DDX1: variants seen among roughly 807,000 people sequenced by gnomAD.
DDX1 encodes the protein ATP-dependent RNA helicase DDX1.
A neutral mutation model predicts 108.7 loss-of-function variants in DDX1; 28 were observed. The observed-to-expected ratio is 0.26, with a 90% CI of 0.19 to 0.35. The LOEUF is 0.35. Ranked by LOEUF, DDX1 falls within the 10% of genes least tolerant of loss-of-function variation. DDX1 has a pLI of 1.00. For missense variants in DDX1, 710 were observed against 884.5 expected (o/e 0.80, Z 2.50); for synonymous variants, 295 against 288.9 (o/e 1.02, Z -0.21).
intron 17 of DDX1, 85 bp downstream of exon 17, chr2:15,620,481 G>A (rs1665984613): frequency 9.9e-7 from 1 of 1,012,188 alleles, no homozygotes; most frequent in African/African-American, 1.6e-5. Flanking sequence ...GATGCTTAAG[G>A]CAATCAGTTA....
At chr2:15,619,329 G>A (rs1414530229) in intron 16 of DDX1, among the ~76,000 whole-genome samples, 2 of 152,198 alleles carry the variant, frequency 1.3e-5, no homozygotes, top group African/African-American at 4.8e-5. Context: ...GCGGCAACAC[G>A]GGGCCAGGGT....
intron 13 of DDX1, among the ~76,000 whole-genome samples, chr2:15,612,979 T>C (rs1665803255): frequency 6.7e-6 from 1 of 148,276 alleles, no homozygotes; most frequent in South Asian, 2.3e-4. Flanking sequence ...TTCGGCTCGG[T>C]ATCAGAGGGA....
At chr2:15,602,680 A>C (rs1665605317) in intron 7 of DDX1, 49 bp downstream of exon 7, 2 of 1,336,276 alleles carry the variant, frequency 1.5e-6, no homozygotes, top group South Asian at 1.2e-5. Context: ...GCAAGGTATT[A>C]ATACGTGAGG....
intron 19 of DDX1, among the ~76,000 whole-genome samples, chr2:15,626,844 A>G (rs1666106436): frequency 6.6e-6 from 1 of 152,248 alleles, no homozygotes; most frequent in Middle Eastern, 3.4e-3. Flanking sequence ...AATGCCCTTA[A>G]AAGCAGGACA....
chr2:15,603,346 CAAAATAATAA>C, intron 8 of DDX1, 71 bp downstream of exon 8: 1 of 1,050,540 alleles, frequency 9.5e-7, no homozygotes, highest in Non-Finnish European at 1.4e-6. Flanking sequence ...TTTGGGGAAG[CAAAATAATAA>C]ATTTAACCAT....
intron 4 of DDX1, 112 bp downstream of exon 4, chr2:15,596,875 G>A: frequency 1.3e-6 from 1 of 795,762 alleles, no homozygotes; most frequent in East Asian, 2.7e-5. Flanking sequence ...CAAAAGGTAA[G>A]GAATTAATTA....
chr2:15,623,695 A>G (rs2148748736), intron 19 of DDX1, 113 bp downstream of exon 19: 8 of 840,240 alleles, frequency 9.5e-6, no homozygotes, highest in Non-Finnish European at 1.5e-5. Context: ...AGTTGATGGC[A>G]TATTTTAAGT....
intron 13 of DDX1, among the ~76,000 whole-genome samples, chr2:15,610,283 T>G (rs754136747): frequency 3.3e-5 from 5 of 152,202 alleles, no homozygotes; most frequent in Non-Finnish European, 5.9e-5. Context: ...GAAATCCAAT[T>G]TATCTGTTTT....
intron 6 of DDX1, among the ~76,000 whole-genome samples, chr2:15,600,420 C>G (rs1665571407): frequency 6.6e-6 from 1 of 152,226 alleles, no homozygotes; most frequent in Admixed American, 6.5e-5. Flanking sequence ...GTAAAGACTC[C>G]TCAGGAAGCT....
intron 20 of DDX1, 30 bp downstream of exon 20, chr2:15,627,175 A>G (rs1445126070): frequency 1.5e-6 from 2 of 1,298,604 alleles, no homozygotes; most frequent in South Asian, 1.2e-5. Flanking sequence ...TGTTTCCTTA[A>G]TACTTAAGAG....
Position 15,606,151 on chromosome 2 carries a change from A to C in DDX1, c.704A>C (p.Asn235Thr), listed in dbSNP as rs781189569. Residue 235 changes from asparagine (N) to threonine (T), a missense_variant and splice_region_variant, in exon 12 of 26, where the codon AAT becomes ACT. Physicochemically the swap from Asn to Thr is moderately conservative, Grantham distance 65. Coordinates refer to ENST00000233084, the MANE Select transcript of DDX1 (RefSeq NM_004939.3). ...ATTTTCTGTTTTATTCAATGCTAGA[A>C]TGCTGAACTGAAATTTAACTTCGGT... ...QALFPACVLK[N>T]AELKFNFGEE... 1 of 1,611,340 alleles carries C rather than the reference A, an allele frequency of 6.2e-7. No homozygotes were observed. The highest frequency in any genetic ancestry group is 8.5e-7 in the Non-Finnish European group (1 of 1,177,646).
chr2:15,592,328 C>T (rs1309912624), intron 1 of DDX1, among the ~76,000 whole-genome samples: 2 of 152,196 alleles, frequency 1.3e-5, no homozygotes, highest in African/African-American at 4.8e-5. Flanking sequence ...CTTTTCTGCC[C>T]GCGGCTCATC....
intron 13 of DDX1, among the ~76,000 whole-genome samples, chr2:15,607,961 C>T (rs10183192): frequency 6.8e-4 from 104 of 152,066 alleles, no homozygotes; most frequent in African/African-American, 2.5e-3. Flanking sequence ...GTAAACTTGG[C>T]GAGGTTTATT....
At position 15,630,051 on chromosome 2, in the gene DDX1, A is replaced by G. The variant is rs755208682; in HGVS notation, c.2033A>G (p.Lys678Arg). 11 of 1,613,140 alleles carry G rather than the reference A, an allele frequency of 6.8e-6. No homozygotes were observed. Among genetic ancestry groups the G allele is most frequent in the Admixed American group, 1.7e-5 (1 of 59,966 alleles). Residue 678 changes from lysine to arginine, a missense_variant, in exon 25 of 26, where the codon AAG becomes AGG. Transcript: ENST00000233084. The part of the protein sequence containing the change: ...CTISQVEPDI[K>R]VPVDEFDGKV... ...ATTTCTCAGGTTGAGCCGGATATAA[A>G]GGTACCAGTGGATGAATTTGATGGG...
At chr2:15,615,483 G>A (rs1665878426) in intron 14 of DDX1, among the ~76,000 whole-genome samples, 1 of 152,208 alleles carries the variant, frequency 6.6e-6, no homozygotes. Context: ...TTGGCACATA[G>A]TAGATTCTTA....
chr2:15,604,257 T>C (rs1665630548), intron 9 of DDX1, among the ~76,000 whole-genome samples, 180 bp from the exon 10 acceptor site: 1 of 152,214 alleles, frequency 6.6e-6, no homozygotes, highest in Non-Finnish European at 1.5e-5. Flanking sequence ...TGAATGAGCC[T>C]AAATATGTTG....
intron 13 of DDX1, among the ~76,000 whole-genome samples, chr2:15,611,990 A>G (rs7598483): frequency 0.017 from 993 of 57,522 alleles, 62 homozygotes; most frequent in African/African-American, 0.059. Flanking sequence ...CCTCCCGGAC[A>G]GGGCGGCTGG....
intron 24 of DDX1, 141 bp from the exon 25 acceptor site, chr2:15,629,849 T>G: frequency 9.5e-7 from 1 of 1,048,240 alleles, no homozygotes; most frequent in East Asian, 2.5e-5. Flanking sequence ...TTGCTAATTG[T>G]AAGTTGTGAA....
Position 15,596,763 on chromosome 2 carries a change from T to C in DDX1, c.162T>C (p.Gly54=). The change falls in exon 4 of 26, where the codon GGT becomes GGC. Residue 54 remains glycine (G), a splice_region_variant and synonymous_variant. Transcript: ENST00000233084. ...MAAETGSGKT[G]AFSIPVIQIV... The stretch of plus-strand genomic sequence containing the variant: ...CAGAAACAGGAAGTGGCAAAACTGG[T>C]GTAAGTAATAAATTATATTTACTTT... 6.2e-7 allele frequency: 1 copy of C among 1,608,068 alleles called. No individual in the cohort carries two copies. The highest frequency in any genetic ancestry group is 8.5e-7 in the Non-Finnish European group (1 of 1,175,562).
Sources: allele counts gnomAD v4.1 joint callset (sites outside exome capture counted in the v4.1 genomes callset), GRCh38; gene constraint gnomAD v4.1.1; transcripts MANE v1.5; gene names NCBI Gene and HGNC (gene_info 2026-07-23, HGNC 2026-07-21).